PITPNB: variants seen among roughly 807,000 people sequenced by gnomAD.
The protein encoded by PITPNB is phosphatidylinositol transfer protein beta isoform.
In PITPNB, 16 loss-of-function variants were observed where a neutral mutation model predicts 45.9. The ratio of observed to expected loss-of-function variants is 0.35; its 90% CI spans 0.24 to 0.53. PITPNB has a LOEUF of 0.53. PITPNB is among the 20% of genes least tolerant of loss of function. The pLI is 0.93. For synonymous variants in PITPNB, 112 were observed against 108.9 expected, an observed-to-expected ratio of 1.03 and a Z score of -0.18; for missense variants, 188 against 330.5, an observed-to-expected ratio of 0.57 and a Z score of 3.34.
At chr22:27,909,223 T>C (rs889646704) in intron 3 of PITPNB, among the ~76,000 whole-genome samples, 2 of 149,764 alleles carry the variant, frequency 1.3e-5, no homozygotes, top group Admixed American at 1.3e-4. Context: ...TTTTTTTTTT[T>C]TTTTTTGGCT....
intron 1 of PITPNB, among the ~76,000 whole-genome samples, chr22:27,916,824 G>T (rs930607701): frequency 6.6e-6 from 1 of 151,902 alleles, no homozygotes; most frequent in Non-Finnish European, 1.5e-5. Context: ...AAATAAAAAA[G>T]AATTTTATAA....
At chr22:27,862,397 A>G (rs1409396646) in intron 8 of PITPNB, among the ~76,000 whole-genome samples, 2 of 152,190 alleles carry the variant, frequency 1.3e-5, no homozygotes, top group African/African-American at 4.8e-5. Flanking sequence ...AATGTTCTAT[A>G]GAGTCCTACA....
intron 7 of PITPNB, among the ~76,000 whole-genome samples, chr22:27,889,068 T>C (rs575795603): frequency 6.6e-6 from 1 of 152,272 alleles, no homozygotes; most frequent in East Asian, 1.9e-4. Flanking sequence ...GTGTTCAAAG[T>C]AAATCTTACA....
chr22:27,901,125 T>G (rs994078697), intron 3 of PITPNB, among the ~76,000 whole-genome samples: 9 of 152,180 alleles, frequency 5.9e-5, no homozygotes, highest in African/African-American at 1.9e-4. Flanking sequence ...ATGGCTAGAT[T>G]TCAGCTGCTT....
At chr22:27,885,218 A>T (rs1365148934) in intron 7 of PITPNB, among the ~76,000 whole-genome samples, 2 of 58,250 alleles carry the variant, frequency 3.4e-5, no homozygotes, top group Non-Finnish European at 6.8e-5. Flanking sequence ...TACCTAAAAA[A>T]AAAAAAAAAA....
chr22:27,879,864 T>C (rs1385624304), intron 7 of PITPNB, among the ~76,000 whole-genome samples: 2 of 152,190 alleles, frequency 1.3e-5, no homozygotes, highest in African/African-American at 2.4e-5. Flanking sequence ...TCACTCTGAA[T>C]GTTAGTCCAT....
intron 7 of PITPNB, among the ~76,000 whole-genome samples, chr22:27,889,419 T>C (rs1935211202): frequency 6.6e-6 from 1 of 152,128 alleles, no homozygotes; most frequent in Non-Finnish European, 1.5e-5. Flanking sequence ...TTGCAAAGAC[T>C]CTTCCCTCTC....
chr22:27,860,061 A>C, intron 9 of PITPNB, 70 bp downstream of exon 9: 4 of 831,690 alleles, frequency 4.8e-6, no homozygotes, highest in South Asian at 1.4e-5. Context: ...ATAACAGAGA[A>C]GATATCCCAT....
At chr22:27,872,419 T>A (rs5997319) in intron 8 of PITPNB, among the ~76,000 whole-genome samples, 78,973 of 151,400 alleles carry the variant, frequency 0.52, 21,406 homozygotes, top group African/African-American at 0.65. Flanking sequence ...ATAATACCCA[T>A]TCTCAGGTTC....
rs1005791449 is a variant in PITPNB at position 27,853,773 on chromosome 22, T to C, written c.*39-110A>G. On this transcript the variant is annotated intron_variant, in intron 11 of 11. Coordinates refer to ENST00000335272, the MANE Select transcript of PITPNB (RefSeq NM_012399.5). ...ATGCATCAAAACTTTTGGCAGAAAATGTACCCCAACTACTGCATCTTACAA... is the reference window on the plus strand; with the variant it reads ...ATGCATCAAAACTTTTGGCAGAAAACGTACCCCAACTACTGCATCTTACAA... 2.8e-5 allele frequency: 22 copies of C among 771,996 alleles called. No homozygotes were observed. The Middle Eastern group carries it at 8.9e-4, about 31-fold the overall frequency. The allele number at this position is 771,996 out of a possible 1,614,324, so 47.8% of individuals were successfully genotyped here. A position where few individuals can be genotyped will look rare whatever the true frequency, so the allele number is the denominator to read the frequency against.
Position 27,852,698 on chromosome 22 carries a change from C to T in PITPNB, c.*1004G>A, listed in dbSNP as rs1934054502. On this transcript the variant is annotated 3_prime_UTR_variant, in exon 12 of 12. Coordinates refer to ENST00000335272, the MANE Select transcript of PITPNB (RefSeq NM_012399.5). Reference sequence around the variant, plus strand: ...TCATGTGAGCTCTGAGGAATCTAGACCATTTGCATAGTTTCCAAGCTGTAG... The same window carrying T: ...TCATGTGAGCTCTGAGGAATCTAGATCATTTGCATAGTTTCCAAGCTGTAG... 1 of 152,514 alleles carries T rather than the reference C, an allele frequency of 6.6e-6. No homozygotes were observed. The highest frequency in any genetic ancestry group is 1.5e-5 in the Non-Finnish European group (1 of 68,032). The allele number at this position is 152,514 out of a possible 1,614,324, so 9.4% of individuals were successfully genotyped here.
intron 7 of PITPNB, among the ~76,000 whole-genome samples, chr22:27,883,982 T>C (rs1307668936): frequency 6.6e-6 from 1 of 151,972 alleles, no homozygotes; most frequent in Non-Finnish European, 1.5e-5. Context: ...TCCTCTGGGG[T>C]ATTAAGAAAA....
intron 8 of PITPNB, among the ~76,000 whole-genome samples, chr22:27,872,798 T>G (rs1934707655): frequency 1.3e-5 from 2 of 152,254 alleles, no homozygotes; most frequent in Admixed American, 6.5e-5. Flanking sequence ...TTTTATGCTC[T>G]TCTCTTGTCA....
rs1935101840 is a variant in PITPNB at position 27,885,622 on chromosome 22, G to A, written c.456+8933C>T. ...ACTCCTGAACTCAAGCAATCCTCCT[G>A]CCTCAGCCTCTCAAAATGCTGGAAT... On this transcript the variant is annotated intron_variant, in intron 7 of 11. Coordinates refer to ENST00000335272, the MANE Select transcript of PITPNB (RefSeq NM_012399.5). 2.0e-5 allele frequency among the ~76,000 whole-genome samples: 3 copies of A among 152,070 alleles called. No individual in the cohort carries two copies. In the South Asian group the frequency reaches 6.2e-4, roughly 32 times the overall value.
intron 7 of PITPNB, among the ~76,000 whole-genome samples, chr22:27,893,439 C>T (rs1324325960): frequency 6.6e-6 from 1 of 151,866 alleles, no homozygotes; most frequent in African/African-American, 2.4e-5. Context: ...CGCCCACCAC[C>T]ATACCGGCTA....
At chr22:27,914,268 A>C (rs1936015366) in intron 2 of PITPNB, 49 bp downstream of exon 2, 1 of 1,185,496 alleles carries the variant, frequency 8.4e-7, no homozygotes, top group Non-Finnish European at 1.3e-6. Context: ...AACATATCAA[A>C]GTACAGTACA....
intron 8 of PITPNB, among the ~76,000 whole-genome samples, chr22:27,870,740 T>C (rs1266279899): frequency 5.3e-5 from 8 of 152,234 alleles, no homozygotes; most frequent in Non-Finnish European, 1.0e-4. Flanking sequence ...CTGCTGAACA[T>C]GTTTACAGAA....
In PITPNB at chr22:27,860,318, G is replaced by A. The variant is rs556104926; in HGVS notation, c.535-77C>T. 36 of 736,298 alleles carry A rather than the reference G, an allele frequency of 4.9e-5. No individual in the cohort carries two copies. The African/African-American group carries it at 5.6e-4, about 12-fold the overall frequency. The allele number at this position is 736,298 out of a possible 1,614,324, so 45.6% of individuals were successfully genotyped here. ...TCATTAAAATTGACTGTTGTATAAC[G>A]ACATCATAGACATACATGAAGAAAA... On this transcript the variant is annotated intron_variant, in intron 8 of 11. Coordinates refer to ENST00000335272, the MANE Select transcript of PITPNB (RefSeq NM_012399.5).
chr22:27,853,712 A>G (rs1285951687), intron 11 of PITPNB, 49 bp from the exon 12 acceptor site: 2 of 1,334,190 alleles, frequency 1.5e-6, no homozygotes, highest in Admixed American at 3.9e-5. Context: ...ATACAGAGAC[A>G]GGAAATGTTA....
Sources: allele counts gnomAD v4.1 joint callset (sites outside exome capture counted in the v4.1 genomes callset), GRCh38; gene constraint gnomAD v4.1.1; transcripts MANE v1.5; gene names NCBI Gene and HGNC (gene_info 2026-07-23, HGNC 2026-07-21).